PNPLA8: variants seen among roughly 807,000 people sequenced by gnomAD.
The protein encoded by PNPLA8 is calcium-independent phospholipase A2-gamma.
In PNPLA8, 39 loss-of-function variants were observed where a neutral mutation model predicts 76.9. The ratio of observed to expected loss-of-function variants is 0.51; its 90% CI spans 0.39 to 0.66. The LOEUF (loss-of-function observed/expected upper bound fraction) is 0.66. PNPLA8 is among the 30% of genes least tolerant of loss of function. The probability of loss-of-function intolerance (pLI) is 0.00; values close to 1 mark genes in which losing one functional copy is unlikely to be tolerated. For missense variants in PNPLA8, 887 were observed against 918.0 expected (o/e 0.97, Z 0.44); for synonymous variants, 301 against 307.9 (o/e 0.98, Z 0.24).
At chr7:108,483,980 T>C (rs1860572117) in intron 9 of PNPLA8, among the ~76,000 whole-genome samples, 1 of 152,250 alleles carries the variant, frequency 6.6e-6, no homozygotes. Flanking sequence ...TGTTATACTC[T>C]GTGTAACTTC....
intron 10 of PNPLA8, among the ~76,000 whole-genome samples, chr7:108,474,041 A>G (rs1859807455): frequency 6.6e-6 from 1 of 152,158 alleles, no homozygotes; most frequent in Admixed American, 6.6e-5. Flanking sequence ...AATTCTCTAT[A>G]TATTTTGAAC....
At chr7:108,505,271 C>G (rs77682203) in intron 4 of PNPLA8, among the ~76,000 whole-genome samples, 1 of 102,128 alleles carries the variant, frequency 9.8e-6, no homozygotes, top group African/African-American at 4.0e-5. Context: ...AAAGGCAAAG[C>G]AAGGTTTCAG....
intron 6 of PNPLA8, 68 bp downstream of exon 6, chr7:108,497,415 A>G (rs562455761): frequency 3.7e-6 from 4 of 1,077,268 alleles, no homozygotes; most frequent in South Asian, 2.7e-5. Flanking sequence ...GATCTTAAAC[A>G]TAAGTGCTTA....
chr7:108,528,090 C>T (rs149694098), upstream of PNPLA8: 5 of 152,250 alleles, frequency 3.3e-5, no homozygotes, highest in East Asian at 3.9e-4. Context: ...TGAGTTTTAC[C>T]GCAGAATTTC....
In PNPLA8 at chr7:108,514,520, C is replaced by G. The variant is rs1322561841; in HGVS notation, c.972G>C (p.Gln324His). 5.0e-6 allele frequency: 8 copies of G among 1,613,852 alleles called. No homozygotes were observed. The Admixed American group carries it at 1.3e-4, about 27-fold the overall frequency. ...KYDSKSQSEE[Q>H]EEPAKTDQAV... ...CCTGATCAGTTTTAGCAGGCTCTTC[C>G]TGTTCTTCTGACTGACTCTTTGAAT... The change falls in exon 3 of 11, where the codon CAG becomes CAC. Residue 324 changes from glutamine to histidine, a missense_variant. By Grantham distance (24) the Gln-to-His change is conservative (BLOSUM62 0). Transcript: ENST00000257694.
intron 7 of PNPLA8, 61 bp downstream of exon 7, chr7:108,496,523 T>G (rs1861558780): frequency 1.0e-6 from 1 of 992,760 alleles, no homozygotes; most frequent in Non-Finnish European, 1.5e-6. Flanking sequence ...ATTTTTCAAA[T>G]TATAATATGC....
chr7:108,490,535 G>A (rs1394887173), intron 8 of PNPLA8, among the ~76,000 whole-genome samples: 4 of 152,316 alleles, frequency 2.6e-5, no homozygotes, highest in African/African-American at 9.6e-5. Flanking sequence ...CGTAATCCCA[G>A]CACTTTGGGA....
At chr7:108,497,646 A>C in intron 5 of PNPLA8, 69 bp from the exon 6 acceptor site, 1 of 775,046 alleles carries the variant, frequency 1.3e-6, no homozygotes, top group Non-Finnish European at 2.0e-6. Context: ...CTGTTGAATA[A>C]AACAATCTAA....
rs1864057051 is a variant in PNPLA8, at chr7:108,526,041, C to T, written c.-142G>A. The T allele has an allele frequency of 9.1e-6, 9 of 985,496 alleles. No homozygotes were observed. The highest frequency in any genetic ancestry group is 1.1e-5 in the Non-Finnish European group (9 of 829,892). 61.0% of individuals were successfully genotyped at this position (985,496 alleles called of 1,614,324 possible). ...CGCGGCTACTTACCGGGATGCAGGC[C>T]GCAGTCACTAGGGCTGCAGCGGCGA... is the stretch of plus-strand genomic sequence containing the variant. On this transcript the variant is annotated 5_prime_UTR_variant, in exon 1 of 11. Coordinates refer to ENST00000257694, the MANE Select transcript of PNPLA8 (RefSeq NM_001256007.3).
chr7:108,517,036 T>C (rs538816001), intron 2 of PNPLA8, among the ~76,000 whole-genome samples: 1 of 152,260 alleles, frequency 6.6e-6, no homozygotes, highest in African/African-American at 2.4e-5. Flanking sequence ...TCATCCGTAA[T>C]ATCCAAAGAA....
chr7:108,495,438 TACAC>T (rs1156798243), intron 7 of PNPLA8, among the ~76,000 whole-genome samples: 1 of 152,160 alleles, frequency 6.6e-6, no homozygotes, highest in African/African-American at 2.4e-5. Flanking sequence ...AGAGAATGGA[TACAC>T]ACACACTCAC....
At chr7:108,524,788 CAGAG>C (rs947775615) in intron 1 of PNPLA8, among the ~76,000 whole-genome samples, 8 of 152,190 alleles carry the variant, frequency 5.3e-5, no homozygotes, top group African/African-American at 1.9e-4. Context: ...GCCTGGGCGA[CAGAG>C]AGAGACTCCC....
chr7:108,493,984 T>C (rs1344631762), intron 7 of PNPLA8, among the ~76,000 whole-genome samples: 1 of 151,956 alleles, frequency 6.6e-6, no homozygotes, highest in Admixed American at 6.6e-5. Context: ...GATTCTAATA[T>C]AGATAAGAAT....
intron 10 of PNPLA8, among the ~76,000 whole-genome samples, chr7:108,476,156 G>A (rs1026143873): frequency 3.3e-5 from 5 of 149,760 alleles, no homozygotes; most frequent in African/African-American, 9.8e-5. Flanking sequence ...CAGCAATGTT[G>A]TTGTTATATC....
In PNPLA8 at chr7:108,479,258, A is replaced by C; in HGVS notation, c.2000T>G (p.Val667Gly). 6.2e-7 allele frequency: 1 copy of C among 1,613,414 alleles called. No homozygotes were observed. The highest frequency in any genetic ancestry group is 1.3e-5 in the African/African-American group (1 of 75,056). Residue 667 changes from valine to glycine, a missense_variant, in exon 10 of 11, where the codon GTG becomes GGG. By Grantham distance (109) the Val-to-Gly change is moderately radical. Coordinates refer to ENST00000257694, the MANE Select transcript of PNPLA8 (RefSeq NM_001256007.3). ...SLGTGRYESD[V>G]RNTVTYTSLK... The stretch of plus-strand genomic sequence containing the variant: ...GCTTGTGTATGTTACCGTGTTTCTC[A>C]CATCACTCTCATAACGTCCAGTGCC...
At chr7:108,502,801 AT>A in intron 4 of PNPLA8, 159 bp from the exon 5 acceptor site, 2 of 436,896 alleles carry the variant, frequency 4.6e-6, no homozygotes, top group Admixed American at 4.2e-5. Flanking sequence ...TTTTTGATAT[AT>A]TAATGTCAAT....
At chr7:108,500,087 A>C (rs866182136) in intron 5 of PNPLA8, among the ~76,000 whole-genome samples, 28 of 152,256 alleles carry the variant, frequency 1.8e-4, no homozygotes, top group African/African-American at 6.7e-4. Context: ...CTACAATGCA[A>C]ACACTGTATT....
rs984522113 is a variant in PNPLA8 at position 108,471,382 on chromosome 7, T to A, written c.*1019A>T. ...GGTGTGCACCACCATGCCGGGCTAA[T>A]GTTTGTATTTTTATTAGAGACGAGG... On this transcript the variant is annotated 3_prime_UTR_variant, in exon 11 of 11. Coordinates refer to ENST00000257694, the MANE Select transcript of PNPLA8 (RefSeq NM_001256007.3). 6.6e-6 allele frequency: 1 copy of A among 151,994 alleles called. No individual in the cohort carries two copies. The highest frequency in any genetic ancestry group is 6.6e-5 in the Admixed American group (1 of 15,248). 9.4% of individuals were successfully genotyped at this position (151,994 alleles called of 1,614,324 possible).
In PNPLA8 at chr7:108,514,264, C is replaced by G; in HGVS notation, c.1086G>C (p.Arg362Ser). The part of the protein sequence containing the change: ...KIIARVSIDN[R>S]TRALVQALRR... ...TTAATGCCTGAACTAATGCCCGGGT[C>G]CTGTTATCAATACTCACCCTTGCGA... The change falls in exon 4 of 11, where the codon AGG becomes AGC. Residue 362 changes from arginine (R) to serine (S), a missense_variant. By Grantham distance (110) the Arg-to-Ser change is moderately radical. Coordinates refer to ENST00000257694, the MANE Select transcript of PNPLA8 (RefSeq NM_001256007.3). 6.2e-7 allele frequency: 1 copy of G among 1,612,246 alleles called. No homozygotes were observed. The highest frequency in any genetic ancestry group is 8.5e-7 in the Non-Finnish European group (1 of 1,178,420).
Sources: allele counts gnomAD v4.1 joint callset (sites outside exome capture counted in the v4.1 genomes callset), GRCh38; gene constraint gnomAD v4.1.1; transcripts MANE v1.5; gene names NCBI Gene and HGNC (gene_info 2026-07-23, HGNC 2026-07-21).